Variants in GNA14 observed in about 807,000 individuals in gnomAD.
The protein encoded by GNA14 is G protein subunit alpha 14.
A neutral mutation model predicts 42.0 loss-of-function variants in GNA14; 50 were observed. The ratio of observed to expected loss-of-function variants is 1.19; its 90% CI spans 0.95 to 1.51. The LOEUF is 1.51. Ranked by LOEUF, GNA14 falls within the 40% of genes most tolerant of loss-of-function variation. The pLI is 0.00. For synonymous variants in GNA14, 173 were observed against 163.1 expected (o/e 1.06, Z -0.46); for missense variants, 473 against 446.2 (o/e 1.06, Z -0.54).
At chr9:77,435,946 C>G (rs936716582) in intron 2 of GNA14, among the ~76,000 whole-genome samples, 1 of 152,206 alleles carries the variant, frequency 6.6e-6, no homozygotes, top group Non-Finnish European at 1.5e-5. Context: ...GGGCTGGCTA[C>G]AGCAGCAGCT....
intron 1 of GNA14, among the ~76,000 whole-genome samples, chr9:77,619,568 C>T (rs988780049): frequency 7.2e-5 from 11 of 152,046 alleles, no homozygotes; most frequent in African/African-American, 1.9e-4. Flanking sequence ...AACCCAGCTC[C>T]GCATTTAGTA....
At chr9:77,453,201 T>C (rs1026043950) in intron 2 of GNA14, among the ~76,000 whole-genome samples, 3 of 152,154 alleles carry the variant, frequency 2.0e-5, no homozygotes, top group Admixed American at 6.5e-5. Context: ...CCTTCCGCCA[T>C]GCGAAGACAC....
chr9:77,447,182 T>A (rs1277601320), intron 2 of GNA14, among the ~76,000 whole-genome samples: 2 of 152,168 alleles, frequency 1.3e-5, no homozygotes, highest in Admixed American at 1.3e-4. Flanking sequence ...TGACCTCAAA[T>A]GATCGCTGAC....
At chr9:77,618,635 T>TA (rs1564067906) in intron 1 of GNA14, among the ~76,000 whole-genome samples, 2 of 49,802 alleles carry the variant, frequency 4.0e-5, no homozygotes, top group Non-Finnish European at 3.6e-5. Context: ...TTTTTTTTTT[T>TA]TTTTTTTTTT....
At position 77,433,961 on chromosome 9, in the gene GNA14, T is replaced by C. The variant is rs561619854; in HGVS notation, c.464+407A>G. Among the ~76,000 whole-genome samples, 382 of 152,262 alleles carry C rather than the reference T, an allele frequency of 2.5e-3. 1 individual carries two copies. The highest frequency in any genetic ancestry group is 4.3e-3 in the Non-Finnish European group (295 of 68,022). ...CGCAATTGGACCTGCTGTCTTCTGA[T>C]GGGGAAACCAGAAAGGCAGAGGGAT... On this transcript the variant is annotated intron_variant, in intron 3 of 6. Transcript: ENST00000341700.
At chr9:77,545,345 T>G (rs543708364) in intron 1 of GNA14, among the ~76,000 whole-genome samples, 1 of 152,328 alleles carries the variant, frequency 6.6e-6, no homozygotes, top group African/African-American at 2.4e-5. Flanking sequence ...TCTTTAAAAA[T>G]ATAATGCACT....
intron 1 of GNA14, among the ~76,000 whole-genome samples, chr9:77,591,066 A>C (rs1487239364): frequency 6.6e-6 from 1 of 152,222 alleles, no homozygotes; most frequent in Admixed American, 6.5e-5. Flanking sequence ...AGTGATAGAC[A>C]GTGAATGTCC....
At chr9:77,561,979 T>C (rs1822890464) in intron 1 of GNA14, among the ~76,000 whole-genome samples, 2 of 152,156 alleles carry the variant, frequency 1.3e-5, no homozygotes, top group Admixed American at 6.5e-5. Context: ...TTTTTGGGGA[T>C]AAAGCCCAAA....
intron 2 of GNA14, among the ~76,000 whole-genome samples, chr9:77,472,605 C>A (rs1026337540): frequency 2.0e-5 from 3 of 152,054 alleles, no homozygotes; most frequent in African/African-American, 7.2e-5. Flanking sequence ...ATGTAAGAAT[C>A]AATTGTAGTT....
intron 1 of GNA14, among the ~76,000 whole-genome samples, chr9:77,625,094 G>A (rs141966384): frequency 6.6e-6 from 1 of 151,812 alleles, no homozygotes; most frequent in East Asian, 2.0e-4. Flanking sequence ...CACAGAACAA[G>A]AACTTCGTGA....
intron 2 of GNA14, among the ~76,000 whole-genome samples, chr9:77,504,660 C>CTTTTTTTTT (rs34631344): frequency 2.6e-5 from 2 of 76,218 alleles, no homozygotes; most frequent in African/African-American, 5.2e-5. Context: ...GTCTGGCCGA[C>CTTTTTTTTT]TTTTTTTTTT....
intron 2 of GNA14, among the ~76,000 whole-genome samples, chr9:77,481,836 T>C (rs1291119959): frequency 1.3e-5 from 2 of 152,182 alleles, no homozygotes; most frequent in Non-Finnish European, 2.9e-5. Context: ...TCTTTGTTGG[T>C]TTAAAGTCTG....
At chr9:77,517,545 G>GTATGTGTA (rs1837276566) in intron 2 of GNA14, 1 of 135,824 alleles carries the variant, frequency 7.4e-6, no homozygotes, top group African/African-American at 2.8e-5. Context: ...GCAAGTCTGT[G>GTATGTGTA]TATGTGTATG....
chr9:77,468,435 C>T (rs765013963), intron 2 of GNA14, among the ~76,000 whole-genome samples: 3 of 152,260 alleles, frequency 2.0e-5, no homozygotes, highest in East Asian at 1.9e-4. Context: ...ATACACAGGT[C>T]GATTTAATTC....
chr9:77,567,137 ATC>A (rs1002382623), intron 1 of GNA14, among the ~76,000 whole-genome samples: 1 of 152,128 alleles, frequency 6.6e-6, no homozygotes, highest in Non-Finnish European at 1.5e-5. Flanking sequence ...ATATATCTAA[ATC>A]TGTTATGCAA....
chr9:77,581,731 A>G (rs1564058998), intron 1 of GNA14, among the ~76,000 whole-genome samples: 1 of 152,216 alleles, frequency 6.6e-6, no homozygotes, highest in Non-Finnish European at 1.5e-5. Flanking sequence ...AATCCTTAGG[A>G]CCCAGGGTAG....
intron 2 of GNA14, among the ~76,000 whole-genome samples, chr9:77,458,213 T>C (rs901852507): frequency 2.6e-5 from 4 of 152,222 alleles, no homozygotes; most frequent in Admixed American, 1.3e-4. Flanking sequence ...CAGAGGCGAC[T>C]GTCTTAGGGA....
chr9:77,528,696 A>G (rs993416791), intron 2 of GNA14, among the ~76,000 whole-genome samples: 3 of 152,184 alleles, frequency 2.0e-5, no homozygotes, highest in Non-Finnish European at 2.9e-5. Context: ...TGAGACTGGG[A>G]ATTCTTGAAA....
intron 1 of GNA14, among the ~76,000 whole-genome samples, chr9:77,585,734 A>G (rs1235994229): frequency 6.6e-6 from 1 of 152,118 alleles, no homozygotes; most frequent in African/African-American, 2.4e-5. Context: ...CAGATAGTAT[A>G]CCTCTACTAA....
Sources: gnomAD v4.1 joint callset for allele counts (sites outside exome capture counted in the v4.1 genomes callset) on GRCh38, gnomAD v4.1.1 for gene constraint, MANE v1.5 for transcripts, NCBI Gene and HGNC (gene_info 2026-07-23, HGNC 2026-07-21) for gene names.